SORBS2: variants seen among roughly 807,000 people sequenced by gnomAD.
The protein encoded by SORBS2 is sorbin and SH3 domain containing 2, also known as sorbin and SH3 domain-containing protein 2.
SORBS2 carries 46 observed loss-of-function variants against 97.7 expected under a neutral mutation model. The ratio of observed to expected loss-of-function variants is 0.47; its 90% CI spans 0.37 to 0.60. The LOEUF is 0.60. Ranked by LOEUF, SORBS2 falls within the 20% of genes least tolerant of loss-of-function variation. The pLI, the probability that SORBS2 is intolerant of heterozygous loss-of-function variation, is 0.00. For synonymous variants in SORBS2, 476 were observed against 473.4 expected (o/e 1.01, Z -0.07); for missense variants, 1,316 against 1,282.3 (o/e 1.03, Z -0.40).
intron 1 of SORBS2, among the ~76,000 whole-genome samples, chr4:185,864,453 A>G (rs2099225669): frequency 6.6e-6 from 1 of 152,254 alleles, no homozygotes; most frequent in South Asian, 2.1e-4. Context: ...AAACTAGGAT[A>G]GAAACATCCA....
At chr4:185,871,280 G>A (rs550421531) in intron 1 of SORBS2, among the ~76,000 whole-genome samples, 5 of 152,144 alleles carry the variant, frequency 3.3e-5, no homozygotes, top group South Asian at 2.1e-4. Flanking sequence ...CGAGAATACC[G>A]AGGACATGAA....
intron 1 of SORBS2, among the ~76,000 whole-genome samples, chr4:185,868,260 G>C (rs377078276): frequency 1.4e-5 from 2 of 147,320 alleles, no homozygotes; most frequent in Non-Finnish European, 3.0e-5. Flanking sequence ...GGGTTCAAGC[G>C]ATTCTCCTGC....
At chr4:185,944,318 C>T (rs2150008444) in intron 1 of SORBS2, among the ~76,000 whole-genome samples, 3 of 152,284 alleles carry the variant, frequency 2.0e-5, no homozygotes, top group Middle Eastern at 6.8e-3. Flanking sequence ...GCCTAGTTTC[C>T]AAATTGACAC....
intron 6 of SORBS2, among the ~76,000 whole-genome samples, chr4:185,624,898 C>G (rs547831104): frequency 6.6e-6 from 1 of 152,192 alleles, no homozygotes; most frequent in African/African-American, 2.4e-5. Context: ...GTGTTATACC[C>G]TTACGCAATT....
chr4:185,817,474 C>T (rs1229390120), intron 1 of SORBS2, among the ~76,000 whole-genome samples: 6 of 152,142 alleles, frequency 3.9e-5, no homozygotes, highest in Non-Finnish European at 1.5e-5. Flanking sequence ...CTGTGAGGGG[C>T]CACACTTTGT....
intron 1 of SORBS2, among the ~76,000 whole-genome samples, chr4:185,863,786 C>G (rs140240212): frequency 6.6e-6 from 1 of 152,274 alleles, no homozygotes; most frequent in East Asian, 1.9e-4. Context: ...TTTTATTAAT[C>G]TATCAAATGC....
chr4:185,820,718 G>C (rs2099196278), intron 1 of SORBS2, among the ~76,000 whole-genome samples: 1 of 152,196 alleles, frequency 6.6e-6, no homozygotes, highest in South Asian at 2.1e-4. Context: ...TTCTGTAGCA[G>C]AGTCCTGGCA....
chr4:185,594,049 AC>A, intron 12 of SORBS2, 114 bp from the exon 25 acceptor site: 1 of 709,954 alleles, frequency 1.4e-6, no homozygotes, highest in Non-Finnish European at 2.4e-6. Context: ...GTTGTAAAAA[AC>A]CAAGAGGAAG....
intron 14 of SORBS2, among the ~76,000 whole-genome samples, chr4:185,588,388 C>T (rs925772764): frequency 1.3e-5 from 2 of 152,128 alleles, no homozygotes; most frequent in Non-Finnish European, 2.9e-5. Context: ...TTATGTTCGC[C>T]TCTGGTTTCA....
chr4:185,718,055 A>T (rs2098480631), intron 2 of SORBS2, among the ~76,000 whole-genome samples: 1 of 152,200 alleles, frequency 6.6e-6, no homozygotes, highest in African/African-American at 2.4e-5. Context: ...ACATGGTGCA[A>T]CCCCATCTCT....
chr4:185,622,850 A>T, intron 7 of SORBS2, 64 bp downstream of exon 19: 1 of 1,480,830 alleles, frequency 6.8e-7, no homozygotes, highest in Non-Finnish European at 9.0e-7. Context: ...GTTGGAATGG[A>T]AAATGAAAGA....
intron 1 of SORBS2, among the ~76,000 whole-genome samples, chr4:185,878,196 AG>A (rs937927783): frequency 3.9e-5 from 6 of 152,236 alleles, no homozygotes; most frequent in African/African-American, 1.4e-4. Flanking sequence ...AATTAAAAAA[AG>A]AATTTGCAGG....
Position 185,623,036 on chromosome 4 carries a change from C to A in SORBS2, c.2093G>T (p.Gly698Val). 6.2e-7 allele frequency: 1 copy of A among 1,614,152 alleles called. No homozygotes were observed. The highest frequency in any genetic ancestry group is 8.5e-7 in the Non-Finnish European group (1 of 1,180,036). Residue 698 changes from glycine (G) to valine (V), a missense_variant, in exon 7 of 15, where the codon GGT becomes GTT. Transcript: ENST00000418609. This position sits in a 1 kb window ranked among gnomAD's most constrained non-coding sequence, Gnocchi z 6.4. The stretch of plus-strand genomic sequence containing the variant: ...CTGGTAGGGTGGACAATGAATAGCA[C>A]CATCGGGAGGCAGTGGGTGGAGAGG...
At chr4:185,673,476 G>T (rs954903238) in intron 4 of SORBS2, among the ~76,000 whole-genome samples, 8 of 152,134 alleles carry the variant, frequency 5.3e-5, no homozygotes, top group African/African-American at 1.9e-4. Context: ...ATGAAGTATT[G>T]TTGAAAATAA....
chr4:185,709,175 C>T (rs1393893477), intron 2 of SORBS2, among the ~76,000 whole-genome samples: 3 of 152,204 alleles, frequency 2.0e-5, no homozygotes, highest in South Asian at 2.1e-4. Context: ...TGCACCACCA[C>T]ACCCAGCTAA....
chr4:185,640,383 G>A (rs2097106648), intron 4 of SORBS2, among the ~76,000 whole-genome samples: 1 of 152,056 alleles, frequency 6.6e-6, no homozygotes, highest in African/African-American at 2.4e-5. Flanking sequence ...GCGACTGTTT[G>A]TTTTTTCTTT....
intron 1 of SORBS2, among the ~76,000 whole-genome samples, chr4:185,840,893 C>T (rs997470174): frequency 2.0e-5 from 3 of 152,026 alleles, no homozygotes; most frequent in Admixed American, 1.3e-4. Flanking sequence ...AGGAGAGATG[C>T]TCCAAACTCA....
intron 1 of SORBS2, among the ~76,000 whole-genome samples, chr4:185,884,004 C>G (rs1399092433): frequency 6.6e-6 from 1 of 152,130 alleles, no homozygotes; most frequent in Admixed American, 6.5e-5. Flanking sequence ...ACCCCAGAGA[C>G]AGAAGTCCGA....
intron 12 of SORBS2, among the ~76,000 whole-genome samples, chr4:185,595,554 A>G (rs2096064385): frequency 1.3e-5 from 2 of 152,180 alleles, no homozygotes; most frequent in Non-Finnish European, 2.9e-5. Flanking sequence ...AAAACTTTAT[A>G]TATGTATAAA....
Sources: gnomAD v4.1 joint callset for allele counts (sites outside exome capture counted in the v4.1 genomes callset) on GRCh38, gnomAD v4.1.1 for gene constraint, Gnocchi (gnomAD v3.1) non-coding constraint, MANE v1.5 for transcripts, NCBI Gene and HGNC (gene_info 2026-07-23, HGNC 2026-07-21) for gene names.